ZBTB17: variants seen among roughly 807,000 people sequenced by gnomAD.
The protein encoded by ZBTB17 is zinc finger and BTB domain containing 17, also known as zinc finger and BTB domain-containing protein 17.
ZBTB17 carries 24 observed loss-of-function variants against 85.1 expected under a neutral mutation model. The observed-to-expected ratio is 0.28, with a 90% confidence interval of 0.20 to 0.40. ZBTB17 has a LOEUF of 0.40. Among genes scored for constraint, ZBTB17 ranks in the 10% least tolerant of loss-of-function variants. The pLI, the probability that ZBTB17 is intolerant of heterozygous loss-of-function variation, is 1.00. For missense variants in ZBTB17, 743 were observed against 1,105.1 expected (o/e 0.67, Z 4.65); for synonymous variants, 464 against 460.2 (o/e 1.01, Z -0.11).
Position 15,953,425 on chromosome 1 carries a change from C to T in ZBTB17, c.-2-4928G>A, listed in dbSNP as rs1327026089. Among the ~76,000 whole-genome samples the T allele has an allele frequency of 6.6e-6, 1 of 152,234 alleles. No individual in the cohort carries two copies. Among genetic ancestry groups the T allele is most frequent in the Non-Finnish European group, 1.5e-5 (1 of 68,048 alleles). ...GGTTGCTCCCAACCACACTCCCGGC[C>T]ATGCTCACCAGGGCTGCCTTGAGGC... On this transcript the variant is annotated intron_variant, in intron 2 of 15. Coordinates refer to ENST00000375743, the MANE Select transcript of ZBTB17 (RefSeq NM_003443.3). This position sits in a 1 kb window ranked among gnomAD's most constrained non-coding sequence, Gnocchi z 5.1.
chr1:15,975,536 CCT>C (rs2072838152), intron 1 of ZBTB17, among the ~76,000 whole-genome samples: 1 of 152,222 alleles, frequency 6.6e-6, no homozygotes, highest in Admixed American at 6.5e-5. Context: ...GCGTCGGCCT[CCT>C]CTGTCAGCTC....
At chr1:15,974,185 A>C (rs1186814159) in intron 1 of ZBTB17, among the ~76,000 whole-genome samples, 2 of 116,484 alleles carry the variant, frequency 1.7e-5, no homozygotes, top group African/African-American at 2.7e-5. Context: ...AGCAAGACGT[A>C]GTCTCAAAAA....
At position 15,951,251 on chromosome 1, in the gene ZBTB17, G is replaced by C. The variant is rs1283995430; in HGVS notation, c.-2-2754C>G. Among the ~76,000 whole-genome samples the C allele has an allele frequency of 1.3e-5, 2 of 151,974 alleles. No homozygotes were observed. The highest frequency in any genetic ancestry group is 2.9e-5 in the Non-Finnish European group (2 of 67,994). On this transcript the variant is annotated intron_variant, in intron 2 of 15. Transcript: ENST00000375743. This position sits in a 1 kb window ranked among gnomAD's most constrained non-coding sequence, Gnocchi z 4.1. ...AAGAAAACAGGAGAAATGATAAGAA[G>C]GGGGGAGGAAGAAGTGAAGATGGGC...
Position 15,966,763 on chromosome 1 carries a change from G to A in ZBTB17, c.-3+6276C>T, listed in dbSNP as rs1415321084. ...CAATGAGCCACAGTACTTACTCTCT[G>A]ACCTCTATTATTTCAACCATTTAAA... On this transcript the variant is annotated intron_variant, in intron 2 of 15. Coordinates refer to ENST00000375743, the MANE Select transcript of ZBTB17 (RefSeq NM_003443.3). The surrounding 1 kb of genome is among the most constrained non-coding windows in gnomAD (Gnocchi z 4.1). Among the ~76,000 whole-genome samples, 1 of 151,988 alleles carries A rather than the reference G, an allele frequency of 6.6e-6. No individual in the cohort carries two copies. Among genetic ancestry groups the A allele is most frequent in the African/African-American group, 2.4e-5 (1 of 41,356 alleles).
At chr1:15,945,914 C>CT in intron 5 of ZBTB17, 74 bp from the exon 6 acceptor site, 1 of 1,564,184 alleles carries the variant, frequency 6.4e-7, no homozygotes, top group South Asian at 1.2e-5. Context: ...TGGACCAGCG[C>CT]GCTGGTGGTG....
At position 15,966,993 on chromosome 1, in the gene ZBTB17, A is replaced by G. The variant is rs2072464791; in HGVS notation, c.-3+6046T>C. Among the ~76,000 whole-genome samples, 1 of 151,946 alleles carries G rather than the reference A, an allele frequency of 6.6e-6. No individual in the cohort carries two copies. The highest frequency in any genetic ancestry group is 1.5e-5 in the Non-Finnish European group (1 of 68,000). On this transcript the variant is annotated intron_variant, in intron 2 of 15. Coordinates refer to ENST00000375743, the MANE Select transcript of ZBTB17 (RefSeq NM_003443.3). This position sits in a 1 kb window ranked among gnomAD's most constrained non-coding sequence, Gnocchi z 4.1. Reference sequence around the variant, plus strand: ...AGAAGTAGATTATGATCTCCAGGACAATATGTTTTGTACATAAAATGTATT... The same window carrying G: ...AGAAGTAGATTATGATCTCCAGGACGATATGTTTTGTACATAAAATGTATT...
rs150115566 is a variant in ZBTB17, at chr1:15,943,928, C to G, written c.1372-33G>C. The G allele has an allele frequency of 1.5e-3, 2,315 of 1,559,372 alleles. 9 individuals are homozygous for G. Among genetic ancestry groups the G allele is most frequent in the Non-Finnish European group, 1.9e-3 (2,149 of 1,150,824 alleles). Reference sequence around the variant, plus strand: ...CAGGGAGGGGTCAGGGGGGCCACCCCACAGAGCTCGGCCCCGGGCCCCCTC... The same window carrying G: ...CAGGGAGGGGTCAGGGGGGCCACCCGACAGAGCTCGGCCCCGGGCCCCCTC... On this transcript the variant is annotated intron_variant, in intron 9 of 15. Transcript: ENST00000375743.
At position 15,975,962 on chromosome 1, in the gene ZBTB17, C is replaced by T. The variant is rs1476418786; in HGVS notation, c.-90+21G>A. ...CCGGCTCCCGGGACTTCCCCGGCCCCGGGCGATTGTTGACACTCACCTGCC... is the reference window on the plus strand; with the variant it reads ...CCGGCTCCCGGGACTTCCCCGGCCCTGGGCGATTGTTGACACTCACCTGCC... On this transcript the variant is annotated intron_variant, in intron 1 of 15. Transcript: ENST00000375743. 9 of 699,678 alleles carry T rather than the reference C, an allele frequency of 1.3e-5. No homozygotes were observed. In the South Asian group the frequency reaches 1.3e-4, roughly 10 times the overall value. The allele number at this position is 699,678 out of a possible 1,614,324, so 43.3% of individuals were successfully genotyped here.
Position 15,953,099 on chromosome 1 carries a change from C to A in ZBTB17, c.-2-4602G>T, listed in dbSNP as rs1411876166. 4 of 152,090 alleles carry A rather than the reference C, an allele frequency of 2.6e-5. No homozygotes were observed. The highest frequency in any genetic ancestry group is 4.4e-5 in the Non-Finnish European group (3 of 68,010). 9.4% of individuals were successfully genotyped at this position (152,090 alleles called of 1,614,324 possible). On this transcript the variant is annotated intron_variant, in intron 2 of 15. Coordinates refer to ENST00000375743, the MANE Select transcript of ZBTB17 (RefSeq NM_003443.3). The surrounding 1 kb of genome is among the most constrained non-coding windows in gnomAD (Gnocchi z 5.1). Reference sequence around the variant, plus strand: ...AGAGTTCTCTTTCTTTACTTGGAGTCCCCTGGATTTATTACTTAAACTAAA... The same window carrying A: ...AGAGTTCTCTTTCTTTACTTGGAGTACCCTGGATTTATTACTTAAACTAAA...
chr1:15,961,157 A>G (rs2072245268), intron 2 of ZBTB17, among the ~76,000 whole-genome samples: 1 of 152,220 alleles, frequency 6.6e-6, no homozygotes, highest in East Asian at 1.9e-4. Context: ...AAATGAATGA[A>G]TGATTTCATT....
intron 2 of ZBTB17, among the ~76,000 whole-genome samples, chr1:15,971,571 A>ATATATATATACACACACAC (rs1452672148): frequency 0.013 from 1,688 of 128,694 alleles, 3 homozygotes; most frequent in Non-Finnish European, 0.023. Flanking sequence ...CACACACACT[A>ATATATATATACACACACAC]TATATATATA....
chr1:15,945,962 C>A, intron 5 of ZBTB17, 122 bp from the exon 6 acceptor site: 1 of 1,555,700 alleles, frequency 6.4e-7, no homozygotes, highest in South Asian at 1.1e-5. Context: ...CCAGCACACC[C>A]CTAGCCAAGG....
intron 2 of ZBTB17, among the ~76,000 whole-genome samples, chr1:15,963,181 G>T (rs1257241629): frequency 4.6e-5 from 7 of 152,144 alleles, no homozygotes; most frequent in Non-Finnish European, 4.4e-5. Context: ...TTCACAGTTT[G>T]CTGCTGCCAG....
In ZBTB17 at chr1:15,953,596, TTC is replaced by T. The variant is rs1255160663; in HGVS notation, c.-2-5101_-2-5100del. ...CCACAGACTGCTGAGTAAGCCAGGT[TTC>T]TGTTTGGGCCGTGAAATCCACTCTG... On this transcript the variant is annotated intron_variant, in intron 2 of 15. Coordinates refer to ENST00000375743, the MANE Select transcript of ZBTB17 (RefSeq NM_003443.3). The surrounding 1 kb of genome is among the most constrained non-coding windows in gnomAD (Gnocchi z 5.1). Among the ~76,000 whole-genome samples, 1 of 152,206 alleles carries T rather than the reference TTC, an allele frequency of 6.6e-6. No homozygotes were observed. Among genetic ancestry groups the T allele is most frequent in the Admixed American group, 6.5e-5 (1 of 15,284 alleles).
chr1:15,942,830 G>A, intron 13 of ZBTB17, 92 bp from the exon 14 acceptor site: 1 of 1,474,566 alleles, frequency 6.8e-7, no homozygotes, highest in East Asian at 2.4e-5. Flanking sequence ...CAGCAACCCT[G>A]TCTTTTACAG....
chr1:15,951,021 G>GCCCCTTTCC lies in ZBTB17; in HGVS notation c.-2-2525_-2-2524insGGAAAGGGG, dbSNP rs1392161362. Among the ~76,000 whole-genome samples the GCCCCTTTCC allele has an allele frequency of 7.2e-5, 11 of 152,300 alleles. No individual in the cohort carries two copies. Among genetic ancestry groups the GCCCCTTTCC allele is most frequent in the Non-Finnish European group, 1.3e-4 (9 of 68,014 alleles). On this transcript the variant is annotated intron_variant, in intron 2 of 15. Transcript: ENST00000375743. This position sits in a 1 kb window ranked among gnomAD's most constrained non-coding sequence, Gnocchi z 4.1. The stretch of plus-strand genomic sequence containing the variant: ...TAAAGGCCCCAAGGACAGGGTGGGT[G>GCCCCTTTCC]GTGGCCCAGCCCCCCACATACCACC...
chr1:15,945,344 A>G (rs1287596995), intron 6 of ZBTB17, 142 bp from the exon 7 acceptor site: 4 of 1,430,466 alleles, frequency 2.8e-6, no homozygotes, highest in South Asian at 1.5e-5. Context: ...TGAACTGGGT[A>G]TTTGCTGCTT....
chr1:15,958,433 A>AAC (rs2072130284), intron 2 of ZBTB17, among the ~76,000 whole-genome samples: 3 of 151,796 alleles, frequency 2.0e-5, no homozygotes, highest in African/African-American at 2.4e-5. Context: ...AAAAAAAAAA[A>AAC]ACACACAGGT....
At chr1:15,962,463 A>T (rs1232984318) in intron 2 of ZBTB17, among the ~76,000 whole-genome samples, 1 of 152,058 alleles carries the variant, frequency 6.6e-6, no homozygotes, top group Non-Finnish European at 1.5e-5. Flanking sequence ...ACAGTGTTTC[A>T]TGCCGCCTCA....
Sources: allele counts gnomAD v4.1 joint callset (sites outside exome capture counted in the v4.1 genomes callset), GRCh38; gene constraint gnomAD v4.1.1; non-coding constraint Gnocchi (gnomAD v3.1); transcripts MANE v1.5; gene names NCBI Gene and HGNC (gene_info 2026-07-23, HGNC 2026-07-21).